Variants in EVI5 observed in about 807,000 individuals in gnomAD.
EVI5 encodes the protein ecotropic viral integration site 5, also known as ecotropic viral integration site 5 protein homolog.
A neutral mutation model predicts 112.0 loss-of-function variants in EVI5; 73 were observed. The ratio of observed to expected loss-of-function variants is 0.65; its 90% CI spans 0.54 to 0.79. EVI5 has a LOEUF of 0.79. EVI5 is among the 30% of genes least tolerant of loss of function. EVI5 has a pLI of 0.00. For missense variants in EVI5, 900 were observed against 968.8 expected (o/e 0.93, Z 0.94); for synonymous variants, 305 against 319.9 (o/e 0.95, Z 0.50).
Position 92,570,832 on chromosome 1 carries a change from G to A in EVI5, c.2071-7095C>T, listed in dbSNP as rs183611410. Among the ~76,000 whole-genome samples the A allele has an allele frequency of 1.1e-3, 166 of 152,154 alleles. 1 individual carries two copies. Among genetic ancestry groups the A allele is most frequent in the African/African-American group, 3.8e-3 (157 of 41,520 alleles). ...GGGTCTAGCTAAAAACTTTGTAATA[G>A]CACTTTGATTTCTTTGGAGGAAAGA... On this transcript the variant is annotated intron_variant, in intron 18 of 19. Coordinates refer to ENST00000684568, the MANE Select transcript of EVI5 (RefSeq NM_001350197.2).
In EVI5 at chr1:92,649,909, A is replaced by G. The variant is rs1489322435; in HGVS notation, c.1392+12810T>C. ...TTCATTCTTTAGCAGGAGAATATCC[A>G]GTTTTCCCAGCATCATTTGTTGAAG... is the stretch of plus-strand genomic sequence containing the variant. On this transcript the variant is annotated intron_variant, in intron 13 of 19. Coordinates refer to ENST00000684568, the MANE Select transcript of EVI5 (RefSeq NM_001350197.2). Among the ~76,000 whole-genome samples the G allele has an allele frequency of 3.3e-5, 5 of 152,238 alleles. No homozygotes were observed. In the South Asian group the frequency reaches 1.0e-3, roughly 32 times the overall value.
chr1:92,549,078 C>T (rs1214550086), intron 19 of EVI5, among the ~76,000 whole-genome samples: 11 of 152,230 alleles, frequency 7.2e-5, no homozygotes, highest in South Asian at 6.2e-4. Context: ...GGAGGCATCA[C>T]GCTACCTGAC....
chr1:92,658,118 C>T (rs1461108281), intron 13 of EVI5, among the ~76,000 whole-genome samples: 1 of 152,114 alleles, frequency 6.6e-6, no homozygotes, highest in Non-Finnish European at 1.5e-5. Flanking sequence ...TACAACAAAC[C>T]CACAGCCAAC....
At chr1:92,591,118 A>C (rs1673791052) in intron 18 of EVI5, among the ~76,000 whole-genome samples, 1 of 152,248 alleles carries the variant, frequency 6.6e-6, no homozygotes, top group Admixed American at 6.5e-5. Flanking sequence ...AGGAAGCACT[A>C]AACATGGAAA....
intron 2 of EVI5, among the ~76,000 whole-genome samples, chr1:92,731,546 TAAC>T (rs1321566067): frequency 6.6e-6 from 1 of 152,150 alleles, no homozygotes; most frequent in African/African-American, 2.4e-5. Flanking sequence ...TTGTAGAAAT[TAAC>T]AACTTGATTG....
At chr1:92,584,892 T>C (rs1351372870) in intron 18 of EVI5, among the ~76,000 whole-genome samples, 3 of 152,106 alleles carry the variant, frequency 2.0e-5, no homozygotes, top group Non-Finnish European at 4.4e-5. Context: ...AAGAGAAATA[T>C]ACATATACAC....
chr1:92,782,531 G>A (rs1056227522), intron 1 of EVI5, among the ~76,000 whole-genome samples: 3 of 152,190 alleles, frequency 2.0e-5, no homozygotes, highest in South Asian at 2.1e-4. Flanking sequence ...TCAGTACCAG[G>A]AAAATGCAAA....
chr1:92,721,749 G>A (rs746969109), intron 2 of EVI5, among the ~76,000 whole-genome samples: 2 of 152,060 alleles, frequency 1.3e-5, no homozygotes, highest in African/African-American at 4.8e-5. Context: ...CTGGTATTCT[G>A]GGGTAAATTG....
intron 1 of EVI5, chr1:92,784,567 C>A: frequency 2.7e-6 from 1 of 370,362 alleles, no homozygotes; most frequent in Non-Finnish European, 3.7e-6. Context: ...CCTCCACCGC[C>A]CTGGGACGCC....
At chr1:92,579,358 G>A (rs1671580595) in intron 18 of EVI5, among the ~76,000 whole-genome samples, 1 of 152,158 alleles carries the variant, frequency 6.6e-6, no homozygotes, top group Admixed American at 6.5e-5. Context: ...AGAGCCAATG[G>A]AAGGAGGCCA....
chr1:92,690,237 G>C (rs377252485), intron 9 of EVI5, among the ~76,000 whole-genome samples: 36 of 152,028 alleles, frequency 2.4e-4, no homozygotes, highest in African/African-American at 8.2e-4. Context: ...AGTTAAAGAA[G>C]AAAAGGTTAT....
In EVI5 at chr1:92,527,438, A is replaced by G. The variant is rs1036335030; in HGVS notation, c.2167-13468T>C. On this transcript the variant is annotated intron_variant, in intron 19 of 19. Coordinates refer to ENST00000684568, the MANE Select transcript of EVI5 (RefSeq NM_001350197.2). ...TCAAAAAAAAAAAAAAAAAAAGAAAAAAAGAAATAAAAGAAAAGAAAAAAA... is the reference window on the plus strand; with the variant it reads ...TCAAAAAAAAAAAAAAAAAAAGAAAGAAAGAAATAAAAGAAAAGAAAAAAA... 5.9e-5 allele frequency among the ~76,000 whole-genome samples: 9 copies of G among 151,710 alleles called. No individual in the cohort carries two copies. In the East Asian group the frequency reaches 1.7e-3, roughly 29 times the overall value.
At chr1:92,624,510 C>T (rs1389425975) in intron 15 of EVI5, among the ~76,000 whole-genome samples, 176 bp from the exon 16 acceptor site, 1 of 151,584 alleles carries the variant, frequency 6.6e-6, no homozygotes, top group Non-Finnish European at 1.5e-5. Flanking sequence ...AAAAGGGTTT[C>T]ATAAAAAGAC....
chr1:92,634,828 C>T (rs550930922), intron 14 of EVI5, among the ~76,000 whole-genome samples: 100 of 152,250 alleles, frequency 6.6e-4, no homozygotes, highest in African/African-American at 2.2e-3. Flanking sequence ...GTTTGGTCTT[C>T]AATGGTGGTG....
chr1:92,630,235 A>G (rs1224519237), intron 14 of EVI5, among the ~76,000 whole-genome samples: 5 of 152,188 alleles, frequency 3.3e-5, no homozygotes, highest in African/African-American at 1.2e-4. Flanking sequence ...TCCCTGAGGA[A>G]TCGCCACACT....
At chr1:92,778,588 T>C (rs1684457887) in intron 1 of EVI5, among the ~76,000 whole-genome samples, 1 of 152,168 alleles carries the variant, frequency 6.6e-6, no homozygotes, top group East Asian at 1.9e-4. Context: ...AACTGGAAGA[T>C]ACTCTCTGGA....
chr1:92,789,313 T>G (rs572415070), upstream of EVI5, among the ~76,000 whole-genome samples: 65 of 95,528 alleles, frequency 6.8e-4, no homozygotes, highest in Middle Eastern at 6.3e-3. Flanking sequence ...TGCCTCAGCT[T>G]CTTCTTCTTT....
At chr1:92,722,140 A>T (rs1403977585) in intron 2 of EVI5, among the ~76,000 whole-genome samples, 3 of 152,032 alleles carry the variant, frequency 2.0e-5, no homozygotes, top group Non-Finnish European at 1.5e-5. Flanking sequence ...TCACATACTC[A>T]TTACCTCTCA....
At chr1:92,603,220 G>A (rs1649569010) in intron 18 of EVI5, among the ~76,000 whole-genome samples, 2 of 152,202 alleles carry the variant, frequency 1.3e-5, no homozygotes, top group Middle Eastern at 3.4e-3. Context: ...GTGCAAATGC[G>A]GAAAAAATGA....
Sources: allele counts gnomAD v4.1 joint callset (sites outside exome capture counted in the v4.1 genomes callset), GRCh38; gene constraint gnomAD v4.1.1; transcripts MANE v1.5; gene names NCBI Gene and HGNC (gene_info 2026-07-23, HGNC 2026-07-21).